The following RBPJ variants were observed in gnomAD, a reference collection of about 807,000 sequenced individuals.
RBPJ encodes recombining binding protein suppressor of hairless.
In RBPJ, 9 loss-of-function variants were observed where a neutral mutation model predicts 67.8. The ratio of observed to expected loss-of-function variants is 0.13; its 90% CI spans 0.08 to 0.23. RBPJ has a LOEUF of 0.23. Among genes scored for constraint, RBPJ ranks in the 10% least tolerant of loss-of-function variants. The pLI, the probability that RBPJ is intolerant of heterozygous loss-of-function variation, is 1.00. For missense variants in RBPJ, 305 were observed against 595.6 expected (o/e 0.51, Z 5.08); for synonymous variants, 198 against 203.3 (o/e 0.97, Z 0.22).
intron 1 of RBPJ, among the ~76,000 whole-genome samples, chr4:26,372,743 A>C (rs1041273135): frequency 4.6e-5 from 7 of 152,158 alleles, no homozygotes; most frequent in African/African-American, 1.7e-4. Context: ...AACCTTTCCA[A>C]AGGCAAACAT....
At chr4:26,339,306 A>G (rs16878270) in intron 1 of RBPJ, among the ~76,000 whole-genome samples, 6,907 of 152,206 alleles carry the variant, frequency 0.045, 390 homozygotes, top group African/African-American at 0.13. Flanking sequence ...GCGAGTTGGT[A>G]GGAGAATTGG....
chr4:26,224,975 GTGGTATACA>G (rs1719033701), intron 1 of RBPJ, among the ~76,000 whole-genome samples: 1 of 152,198 alleles, frequency 6.6e-6, no homozygotes, highest in Non-Finnish European at 1.5e-5. Flanking sequence ...AAGGAAAGAC[GTGGTATACA>G]TGAAACAGTG....
intron 1 of RBPJ, among the ~76,000 whole-genome samples, chr4:26,366,510 C>T (rs1164712377): frequency 1.3e-5 from 2 of 152,004 alleles, no homozygotes; most frequent in Admixed American, 6.5e-5. Flanking sequence ...CTGCAACCTC[C>T]GCCTCCTGGA....
Position 26,413,510 on chromosome 4 carries a change from C to G in RBPJ, c.156-1965C>G, listed in dbSNP as rs76688628. Reference sequence around the variant, plus strand: ...CTAATTTTTTTGTTTATTTTTACTGCTATATCCCCAGTATCTGTTACACAC... The same window carrying G: ...CTAATTTTTTTGTTTATTTTTACTGGTATATCCCCAGTATCTGTTACACAC... On this transcript the variant is annotated intron_variant, in intron 3 of 10. Transcript: ENST00000355476. 2.6e-5 allele frequency among the ~76,000 whole-genome samples: 4 copies of G among 152,222 alleles called. No homozygotes were observed. In the East Asian group the frequency reaches 7.7e-4, roughly 29 times the overall value.
At chr4:26,288,036 A>G (rs1721539457) in intron 1 of RBPJ, among the ~76,000 whole-genome samples, 2 of 152,220 alleles carry the variant, frequency 1.3e-5, no homozygotes, top group Admixed American at 1.3e-4. Flanking sequence ...TTCAATGATA[A>G]CATCTGGGAA....
Position 26,194,323 on chromosome 4 carries a change from G to A in RBPJ, c.-167+30709G>A, listed in dbSNP as rs148008099. Among the ~76,000 whole-genome samples the A allele has an allele frequency of 1.4e-3, 206 of 152,284 alleles. 1 individual carries two copies. The highest frequency in any genetic ancestry group is 4.6e-3 in the African/African-American group (192 of 41,548). The stretch of plus-strand genomic sequence containing the variant: ...GTAAGAAACACTCCCAAAGGCTCTA[G>A]TCTCAGCCAGATATAAACATGCACA... On this transcript the variant is annotated intron_variant, in intron 1 of 4. Transcript: ENST00000512351.
intron 1 of RBPJ, among the ~76,000 whole-genome samples, chr4:26,290,127 C>T (rs1721617425): frequency 2.0e-5 from 3 of 149,316 alleles, no homozygotes; most frequent in South Asian, 2.1e-4. Context: ...GCCAGGAGTT[C>T]GAAACCAGCC....
chr4:26,188,115 A>T (rs1717341070), intron 1 of RBPJ, among the ~76,000 whole-genome samples: 1 of 152,180 alleles, frequency 6.6e-6, no homozygotes, highest in African/African-American at 2.4e-5. Context: ...AGGCCAAGGC[A>T]CGAAAATCCC....
chr4:26,244,373 G>A (rs1168913866), intron 1 of RBPJ, among the ~76,000 whole-genome samples: 1 of 103,376 alleles, frequency 9.7e-6, no homozygotes, highest in Non-Finnish European at 2.1e-5. Context: ...GCACATATGT[G>A]TACACGTGTG....
chr4:26,228,038 C>T (rs1044637528), intron 1 of RBPJ, among the ~76,000 whole-genome samples: 10 of 152,210 alleles, frequency 6.6e-5, no homozygotes, highest in South Asian at 2.1e-4. Flanking sequence ...CTCCCTGCTG[C>T]GGCAAGTCAC....
At chr4:26,214,541 G>GAGGGAAGGAGGAAGGAAGGA (rs1162783964) in intron 1 of RBPJ, among the ~76,000 whole-genome samples, 366 of 11,826 alleles carry the variant, frequency 0.031, 9 homozygotes, top group African/African-American at 0.11. Context: ...GGAAGGGAGG[G>GAGGGAAGGAGGAAGGAAGGA]AGGGAGGGAG....
intron 1 of RBPJ, among the ~76,000 whole-genome samples, chr4:26,234,988 G>A (rs775453127): frequency 3.9e-5 from 6 of 152,004 alleles, no homozygotes; most frequent in African/African-American, 9.7e-5. Flanking sequence ...CACTGTGCCC[G>A]GCCTGTTTCT....
chr4:26,320,934 A>G, upstream of RBPJ: 17 of 1,557,446 alleles, frequency 1.1e-5, no homozygotes, highest in Admixed American at 1.7e-5. Flanking sequence ...GGAATCGAGG[A>G]GTGAGGAAAA....
chr4:26,244,313 G>C (rs1560226228), intron 1 of RBPJ, among the ~76,000 whole-genome samples: 3 of 133,826 alleles, frequency 2.2e-5, no homozygotes, highest in Non-Finnish European at 3.1e-5. Flanking sequence ...ACACATATGT[G>C]TGTATATGTA....
chr4:26,423,416 C>A (rs1735339396), intron 5 of RBPJ, among the ~76,000 whole-genome samples: 1 of 152,144 alleles, frequency 6.6e-6, no homozygotes, highest in African/African-American at 2.4e-5. Context: ...TGACGGGGCT[C>A]AAGGACAAAT....
chr4:26,307,485 T>G (rs751699672), intron 1 of RBPJ, among the ~76,000 whole-genome samples: 1 of 152,246 alleles, frequency 6.6e-6, no homozygotes, highest in Non-Finnish European at 1.5e-5. Context: ...AATACAGATA[T>G]AGCTATGCTA....
At chr4:26,132,574 C>T in the RBPJ span, among the ~76,000 whole-genome samples, 1 of 152,158 alleles carries the variant, frequency 6.6e-6, no homozygotes, top group Non-Finnish European at 1.5e-5. Context: ...ACCACCTGCC[C>T]TCCCGCTGCA....
At chr4:26,132,052 T>G in the RBPJ span, among the ~76,000 whole-genome samples, 8 of 152,120 alleles carry the variant, frequency 5.3e-5, no homozygotes, top group African/African-American at 7.2e-5. Flanking sequence ...AGACTGGCTG[T>G]CTGTCAGTTC....
intron 1 of RBPJ, among the ~76,000 whole-genome samples, chr4:26,297,721 A>G (rs1415335373): frequency 6.6e-6 from 1 of 152,126 alleles, no homozygotes; most frequent in Middle Eastern, 3.2e-3. Context: ...AAGAAAAAGA[A>G]AAAAGAAAAT....
Sources: gnomAD v4.1 joint callset for allele counts (sites outside exome capture counted in the v4.1 genomes callset) on GRCh38, gnomAD v4.1.1 for gene constraint, MANE v1.5 for transcripts, NCBI Gene and HGNC (gene_info 2026-07-23, HGNC 2026-07-21) for gene names.